PFKFB3: variants seen among roughly 807,000 people sequenced by gnomAD.
PFKFB3 encodes 6-phosphofructo-2-kinase/fructose-2,6-bisphosphatase 3.
In PFKFB3, 33 loss-of-function variants were observed where a neutral mutation model predicts 68.0. That is an observed-to-expected ratio of 0.49 (90% CI 0.37 to 0.65). PFKFB3 has a LOEUF of 0.65. Ranked by LOEUF, PFKFB3 falls within the 30% of genes least tolerant of loss-of-function variation. The pLI is 0.00. For missense variants in PFKFB3, 586 were observed against 712.2 expected, an observed-to-expected ratio of 0.82 and a Z score of 2.02; for synonymous variants, 315 against 288.2, an observed-to-expected ratio of 1.09 and a Z score of -0.94.
intron 14 of PFKFB3, among the ~76,000 whole-genome samples, chr10:6,246,554 C>T (rs1443081080): frequency 1.3e-5 from 2 of 151,936 alleles, no homozygotes; most frequent in Admixed American, 6.6e-5. Flanking sequence ...GTTGGTCAGG[C>T]TGGTCTTGAA....
rs1845512871 is a variant in PFKFB3, at chr10:6,228,558, G to C, written c.1515+2193G>C. On this transcript the variant is annotated intron_variant, in intron 14 of 14. Transcript: ENST00000379775. This position sits in a 1 kb window ranked among gnomAD's most constrained non-coding sequence, Gnocchi z 4.5. ...AATCCACATTTCCTTATCAGAATCA[G>C]ATCTTGGTGGCGAGCTGCATCTGTG... Among the ~76,000 whole-genome samples the C allele has an allele frequency of 6.6e-6, 1 of 152,140 alleles. No homozygotes were observed.
At chr10:6,186,357 A>T (rs1025670367) in intron 1 of PFKFB3, among the ~76,000 whole-genome samples, 1 of 152,082 alleles carries the variant, frequency 6.6e-6, no homozygotes, top group Non-Finnish European at 1.5e-5. Flanking sequence ...ATTCCTGTGG[A>T]TGGAATGGAA....
chr10:6,210,505 C>T lies in PFKFB3; in HGVS notation c.77-3118C>T, dbSNP rs1237779766. Among the ~76,000 whole-genome samples, 6 of 115,308 alleles carry T rather than the reference C, an allele frequency of 5.2e-5. 2 individuals are homozygous for T. Among genetic ancestry groups the T allele is most frequent in the South Asian group, 3.3e-4 (1 of 3,004 alleles). 75.6% of individuals were successfully genotyped at this position (115,308 alleles called of 152,430 possible). ...CCTCCCGAGTAGCTGGGACTACAGG[C>T]GCCCGCCAACATGGCCGGCTAATTT... On this transcript the variant is annotated intron_variant, in intron 1 of 14. Coordinates refer to ENST00000379775, the MANE Select transcript of PFKFB3 (RefSeq NM_004566.4).
chr10:6,262,370 C>A, the PFKFB3 span, among the ~76,000 whole-genome samples: 103 of 39,040 alleles, frequency 2.6e-3, 2 homozygotes, highest in East Asian at 0.043. Flanking sequence ...AGGAGAATGG[C>A]GTGAACCCTG....
At chr10:6,322,828 A>T in the PFKFB3 span, among the ~76,000 whole-genome samples, 129 of 152,344 alleles carry the variant, frequency 8.5e-4, 1 homozygote, top group African/African-American at 3.0e-3. Flanking sequence ...TGTCTGACTC[A>T]TTATTCTCTG....
the PFKFB3 span, among the ~76,000 whole-genome samples, chr10:6,310,147 G>A: frequency 7.2e-5 from 11 of 152,162 alleles, no homozygotes; most frequent in East Asian, 1.9e-4. Context: ...GTTCTTGGCC[G>A]GTGTAGACAG....
At chr10:6,145,398 C>CCG (rs35070410) in intron 1 of PFKFB3, among the ~76,000 whole-genome samples, 94,463 of 151,612 alleles carry the variant, frequency 0.62, 29,629 homozygotes, top group East Asian at 0.71. Flanking sequence ...TCTGGCGACT[C>CCG]CGGCCGCCAC....
intron 6 of PFKFB3, among the ~76,000 whole-genome samples, chr10:6,218,619 AC>A (rs1844749931): frequency 6.6e-6 from 1 of 151,804 alleles, no homozygotes; most frequent in Admixed American, 6.6e-5. Flanking sequence ...TTTAGAGGAG[AC>A]GGGGGTTTCA....
chr10:6,239,092 G>A (rs1846086524), downstream of PFKFB3, among the ~76,000 whole-genome samples: 1 of 152,138 alleles, frequency 6.6e-6, no homozygotes, highest in Admixed American at 6.5e-5. Flanking sequence ...GCCAGTAATG[G>A]GATTGCTGGG....
rs1564599633 is a variant in PFKFB3, at chr10:6,177,397, T to TTTCTTTCTTTCTTTCTTTC, written c.16+32397_16+32398insTCTTTCTTCTTTCTTTCTT. Among the ~76,000 whole-genome samples, 14 of 144,496 alleles carry TTTCTTTCTTTCTTTCTTTC rather than the reference T, an allele frequency of 9.7e-5. No individual in the cohort carries two copies. In the South Asian group the frequency reaches 1.7e-3, roughly 18 times the overall value. The allele number at this position is 144,496 out of a possible 152,430, so 94.8% of individuals were successfully genotyped here. On this transcript the variant is annotated intron_variant, in intron 1 of 14. Coordinates refer to the PFKFB3 transcript ENST00000379789. The stretch of plus-strand genomic sequence containing the variant: ...CTTTCTTTCTTTCTTTCTTTCTTTC[T>TTTCTTTCTTTCTTTCTTTC]TTCTTTCTTTCTTCTTTCTCTTTCT...
Position 6,224,001 on chromosome 10 carries a change from A to G in PFKFB3, c.1257A>G (p.Lys419=). 2 of 1,614,178 alleles carry G rather than the reference A, an allele frequency of 1.2e-6. No individual in the cohort carries two copies. The highest frequency in any genetic ancestry group is 1.7e-6 in the Non-Finnish European group (2 of 1,180,016). The change falls in exon 12 of 15, where the codon AAA becomes AAG. Residue 419 remains lysine (K), a synonymous_variant. Coordinates refer to ENST00000379775, the MANE Select transcript of PFKFB3 (RefSeq NM_004566.4). ...AATGCCCTCTTCACACCGTCCTGAA[A>G]CTGACGCCTGTCGCTTATGGTGAGT... is the stretch of plus-strand genomic sequence containing the variant. ...YLKCPLHTVL[K]LTPVAYGCRV... is the part of the protein sequence containing the mutation.
Position 6,156,010 on chromosome 10 carries a change from C to T in PFKFB3, c.16+10997C>T, listed in dbSNP as rs548593290. On this transcript the variant is annotated intron_variant, in intron 1 of 14. Transcript: ENST00000379789. ...CAATAGGCAGTTTTTCAACCCTCAC[C>T]CCCGCTGCCATCCTCCCAACTTTTG... Among the ~76,000 whole-genome samples the T allele has an allele frequency of 3.3e-5, 5 of 152,190 alleles. No homozygotes were observed. In the East Asian group the frequency reaches 9.7e-4, roughly 29 times the overall value.
intron 1 of PFKFB3, among the ~76,000 whole-genome samples, chr10:6,180,542 G>A (rs938265127): frequency 1.3e-5 from 2 of 152,164 alleles, no homozygotes; most frequent in South Asian, 2.1e-4. Context: ...GTGGCTCACT[G>A]CAGCCTCAAA....
chr10:6,279,386 A>T, the PFKFB3 span, among the ~76,000 whole-genome samples: 1 of 152,172 alleles, frequency 6.6e-6, no homozygotes, highest in African/African-American at 2.4e-5. Context: ...TGTGCCGCCA[A>T]TCGGGTTTCT....
chr10:6,146,421 G>A lies in PFKFB3; in HGVS notation c.16+1408G>A, dbSNP rs757054514. On this transcript the variant is annotated intron_variant, in intron 1 of 14. Transcript: ENST00000379789. ...GAAGGAAGGTGACAGCCAGCAAGCA[G>A]GGGCTCTGCCACTCCTCTGTCAGCT... 9.8e-6 allele frequency: 15 copies of A among 1,535,612 alleles called. No homozygotes were observed. In the South Asian group the frequency reaches 1.8e-4, roughly 18 times the overall value.
intron 1 of PFKFB3, among the ~76,000 whole-genome samples, chr10:6,150,943 T>C (rs1422569132): frequency 6.6e-6 from 1 of 151,936 alleles, no homozygotes; most frequent in Non-Finnish European, 1.5e-5. Context: ...GAGATTGCAG[T>C]GAGCCAAGAT....
chr10:6,194,945 T>C (rs1477075021), intron 1 of PFKFB3, among the ~76,000 whole-genome samples: 10 of 151,812 alleles, frequency 6.6e-5, no homozygotes, highest in Non-Finnish European at 1.5e-4. Context: ...CAATCTCGGC[T>C]CACTGCAACC....
chr10:6,325,687 C>T, the PFKFB3 span, among the ~76,000 whole-genome samples: 1 of 152,106 alleles, frequency 6.6e-6, no homozygotes, highest in Non-Finnish European at 1.5e-5. Flanking sequence ...TACTGTGTTC[C>T]GTTAATGCTC....
upstream of PFKFB3, chr10:6,202,678 G>A (rs906074892): frequency 1.9e-5 from 3 of 158,864 alleles, no homozygotes; most frequent in Admixed American, 1.3e-4. Flanking sequence ...GGGACAACGG[G>A]ACGAGGGGAT....
Sources: allele counts gnomAD v4.1 joint callset (sites outside exome capture counted in the v4.1 genomes callset), GRCh38; gene constraint gnomAD v4.1.1; non-coding constraint Gnocchi (gnomAD v3.1); transcripts MANE v1.5; gene names NCBI Gene and HGNC (gene_info 2026-07-23, HGNC 2026-07-21).